KALRN: variants seen among roughly 807,000 people sequenced by gnomAD.
The protein encoded by KALRN is kalirin RhoGEF kinase.
A neutral mutation model predicts 353.7 loss-of-function variants in KALRN; 70 were observed. The ratio of observed to expected loss-of-function variants is 0.20; its 90% confidence interval spans 0.16 to 0.24. The LOEUF is 0.24. Ranked by LOEUF, KALRN falls within the 10% of genes least tolerant of loss-of-function variation. The probability of loss-of-function intolerance (pLI) is 1.00; values close to 1 mark genes in which losing one functional copy is unlikely to be tolerated. For missense variants in KALRN, 2,791 were observed against 3,756.7 expected, an observed-to-expected ratio of 0.74 and a Z score of 6.72; for synonymous variants, 1,391 against 1,434.8, an observed-to-expected ratio of 0.97 and a Z score of 0.69.
chr3:124,378,875 T>C (rs2149870709), intron 10 of KALRN, among the ~76,000 whole-genome samples: 1 of 152,114 alleles, frequency 6.6e-6, no homozygotes, highest in East Asian at 1.9e-4. Context: ...CACTTTATTT[T>C]ATTTTTATGT....
chr3:124,260,968 G>A (rs570585432), intron 3 of KALRN, among the ~76,000 whole-genome samples: 2 of 151,546 alleles, frequency 1.3e-5, no homozygotes, highest in South Asian at 4.2e-4. Flanking sequence ...CCCAACTCCT[G>A]TCCCCAAACA....
chr3:124,366,757 C>A (rs1427047074), intron 10 of KALRN, among the ~76,000 whole-genome samples: 3 of 152,052 alleles, frequency 2.0e-5, no homozygotes, highest in Non-Finnish European at 4.4e-5. Flanking sequence ...GGCAGAGGGG[C>A]TCTTCACTTC....
intron 10 of KALRN, among the ~76,000 whole-genome samples, chr3:124,364,015 C>T (rs1007083947): frequency 1.3e-5 from 2 of 152,188 alleles, no homozygotes; most frequent in Admixed American, 6.5e-5. Flanking sequence ...CAGTGTTGCC[C>T]CACTTCAAGA....
At chr3:124,445,578 A>G (rs2093810046) in intron 19 of KALRN, among the ~76,000 whole-genome samples, 2 of 152,198 alleles carry the variant, frequency 1.3e-5, no homozygotes, top group African/African-American at 4.8e-5. Context: ...CAACAGGAAG[A>G]CATAATTCCA....
intron 16 of KALRN, 123 bp downstream of exon 16, chr3:124,430,898 G>T (rs1187876064): frequency 3.2e-5 from 38 of 1,199,850 alleles, no homozygotes; most frequent in Non-Finnish European, 4.3e-5. Flanking sequence ...CTAGTAGAAT[G>T]GTCCAGGGAG....
intron 10 of KALRN, among the ~76,000 whole-genome samples, chr3:124,381,219 C>T (rs1051314344): frequency 3.3e-5 from 5 of 151,984 alleles, no homozygotes; most frequent in Non-Finnish European, 5.9e-5. Context: ...AAGAGTTGGT[C>T]AAATAGAAGA....
At chr3:124,112,304 CAAA>C (rs111307023) in intron 1 of KALRN, among the ~76,000 whole-genome samples, 8 of 125,924 alleles carry the variant, frequency 6.4e-5, no homozygotes, top group African/African-American at 3.0e-5. Flanking sequence ...CTCCATCTCA[CAAA>C]AAAAAAAAAA....
chr3:124,394,471 A>C (rs2089908511), intron 11 of KALRN, among the ~76,000 whole-genome samples: 1 of 152,222 alleles, frequency 6.6e-6, no homozygotes, highest in African/African-American at 2.4e-5. Flanking sequence ...TATTTTGTTC[A>C]AAACACTATA....
chr3:124,377,290 C>A (rs749004424), intron 10 of KALRN, among the ~76,000 whole-genome samples: 2 of 152,132 alleles, frequency 1.3e-5, no homozygotes, highest in African/African-American at 2.4e-5. Context: ...TTAACTGATG[C>A]CACCTTCTTT....
intron 1 of KALRN, among the ~76,000 whole-genome samples, chr3:124,055,338 A>G (rs1172354633): frequency 6.6e-6 from 1 of 152,150 alleles, no homozygotes; most frequent in Non-Finnish European, 1.5e-5. Context: ...GTTAGAGAGA[A>G]TGTTTCCTCT....
At chr3:124,716,010 GAAT>G (rs1384448410) in intron 58 of KALRN, among the ~76,000 whole-genome samples, 2 of 151,742 alleles carry the variant, frequency 1.3e-5, no homozygotes, top group African/African-American at 4.8e-5. Flanking sequence ...TTAATATAAT[GAAT>G]AATAATTGTT....
Position 124,489,135 on chromosome 3 carries a change from C to T in KALRN, c.4396+820C>T, listed in dbSNP as rs1425996997. Among the ~76,000 whole-genome samples the T allele has an allele frequency of 2.3e-4, 35 of 152,042 alleles. 1 individual carries two copies. The highest frequency in any genetic ancestry group is 2.2e-3 in the Admixed American group (34 of 15,268). On this transcript the variant is annotated intron_variant, in intron 29 of 59. Transcript: ENST00000682506. ...CAGCCTGGCCAACATGGCGAAACCC[C>T]GTCTCTACTAAAAATACAAAAATTA...
At chr3:124,107,452 G>T (rs2062413249) in intron 1 of KALRN, among the ~76,000 whole-genome samples, 1 of 152,136 alleles carries the variant, frequency 6.6e-6, no homozygotes, top group Non-Finnish European at 1.5e-5. Context: ...CACCCAGGGG[G>T]CTCAGCTAGA....
At chr3:124,309,187 T>C (rs1186353160) in intron 6 of KALRN, among the ~76,000 whole-genome samples, 1 of 152,018 alleles carries the variant, frequency 6.6e-6, no homozygotes, top group African/African-American at 2.4e-5. Context: ...CAGGCCCAGA[T>C]GGCTTCATCA....
At chr3:124,539,921 T>TGGGG (rs1239673391) in intron 33 of KALRN, among the ~76,000 whole-genome samples, 59 of 95,520 alleles carry the variant, frequency 6.2e-4, no homozygotes, top group African/African-American at 2.9e-3. Flanking sequence ...CTAATTTTTT[T>TGGGG]TGGGGGGGGG....
At chr3:124,396,074 A>G (rs952003709) in intron 12 of KALRN, among the ~76,000 whole-genome samples, 1 of 152,108 alleles carries the variant, frequency 6.6e-6, no homozygotes, top group African/African-American at 2.4e-5. Flanking sequence ...TCAGCAACCA[A>G]CCCCATGCCT....
At chr3:124,117,037 A>G (rs990456930) in intron 1 of KALRN, among the ~76,000 whole-genome samples, 4 of 152,146 alleles carry the variant, frequency 2.6e-5, no homozygotes, top group African/African-American at 9.7e-5. Flanking sequence ...TCCTATTTGG[A>G]GTCCAAATTA....
intron 44 of KALRN, 142 bp downstream of exon 44, chr3:124,661,115 G>T: frequency 1.5e-6 from 1 of 673,066 alleles, no homozygotes; most frequent in Non-Finnish European, 2.7e-6. Flanking sequence ...AAACAGCTTT[G>T]TACCTGCTTG....
intron 54 of KALRN, 130 bp from the exon 55 acceptor site, chr3:124,697,463 A>G (rs1021765048): frequency 1.2e-5 from 10 of 850,476 alleles, no homozygotes; most frequent in African/African-American, 1.7e-5. Context: ...AAGGTATGCC[A>G]CTTGGTGGAG....
Sources: allele counts gnomAD v4.1 joint callset (sites outside exome capture counted in the v4.1 genomes callset), GRCh38; gene constraint gnomAD v4.1.1; transcripts MANE v1.5; gene names NCBI Gene and HGNC (gene_info 2026-07-23, HGNC 2026-07-21).